CA8: variants seen among roughly 807,000 people sequenced by gnomAD.
CA8 encodes the protein carbonic anhydrase 8 (inactive).
In CA8, 22 loss-of-function variants were observed where a neutral mutation model predicts 41.4. That is an observed-to-expected ratio of 0.53 (90% CI 0.38 to 0.76). CA8 has a LOEUF of 0.76. Among genes scored for constraint, CA8 ranks in the 30% least tolerant of loss-of-function variants. The pLI is 0.00. For missense variants in CA8, 270 were observed against 352.8 expected, an observed-to-expected ratio of 0.77 and a Z score of 1.88; for synonymous variants, 121 against 130.6, an observed-to-expected ratio of 0.93 and a Z score of 0.50.
At chr8:60,193,142 G>T (rs1806184231) in intron 8 of CA8, among the ~76,000 whole-genome samples, 1 of 152,058 alleles carries the variant, frequency 6.6e-6, no homozygotes, top group Non-Finnish European at 1.5e-5. Context: ...ACAACATTTT[G>T]TTTTCTCTGG....
intron 5 of CA8, among the ~76,000 whole-genome samples, chr8:60,225,021 A>T (rs1172928287): frequency 1.3e-5 from 2 of 151,900 alleles, no homozygotes; most frequent in East Asian, 3.9e-4. Context: ...CAGGCTTGCA[A>T]CTTCCTGTCT....
chr8:60,264,352 A>G (rs959358300), intron 3 of CA8, among the ~76,000 whole-genome samples: 2 of 152,218 alleles, frequency 1.3e-5, no homozygotes, highest in African/African-American at 4.8e-5. Flanking sequence ...AAATGATGAA[A>G]TGGCCTTTCA....
At chr8:60,200,100 A>T (rs1020504716) in intron 8 of CA8, among the ~76,000 whole-genome samples, 3 of 152,168 alleles carry the variant, frequency 2.0e-5, no homozygotes, top group Non-Finnish European at 4.4e-5. Context: ...TACTGCCCTT[A>T]TAAAAGAGAC....
At chr8:60,233,157 G>A (rs576439681) in intron 3 of CA8, among the ~76,000 whole-genome samples, 48 of 152,276 alleles carry the variant, frequency 3.2e-4, no homozygotes, top group African/African-American at 1.1e-3. Context: ...TATAATAGTA[G>A]GTAGGTAAAC....
At position 60,270,959 on chromosome 8, in the gene CA8, C is replaced by T. The variant is rs141981293; in HGVS notation, c.293-4910G>A. Among the ~76,000 whole-genome samples, 25 of 152,198 alleles carry T rather than the reference C, an allele frequency of 1.6e-4. No homozygotes were observed. In the East Asian group the frequency reaches 4.8e-3, roughly 29 times the overall value. On this transcript the variant is annotated intron_variant, in intron 2 of 8. Coordinates refer to ENST00000317995, the MANE Select transcript of CA8 (RefSeq NM_004056.6). ...TCATAACAATAGCACAGAGAGCAGG[C>T]CGGGCAAAGTGAAGCACATGCAAAA...
intron 8 of CA8, among the ~76,000 whole-genome samples, chr8:60,199,959 T>C (rs1299055577): frequency 6.6e-6 from 1 of 152,222 alleles, no homozygotes; most frequent in Non-Finnish European, 1.5e-5. Context: ...TGTCAGTGTT[T>C]ACCTTTCTGT....
At chr8:60,253,564 A>C (rs148979692) in intron 3 of CA8, among the ~76,000 whole-genome samples, 8 of 151,976 alleles carry the variant, frequency 5.3e-5, no homozygotes, top group African/African-American at 1.9e-4. Flanking sequence ...CCACTCGCTG[A>C]CATCATCTAC....
At chr8:60,249,884 A>G (rs1420599473) in intron 3 of CA8, among the ~76,000 whole-genome samples, 2 of 152,232 alleles carry the variant, frequency 1.3e-5, no homozygotes, top group African/African-American at 4.8e-5. Context: ...GAGTAGCTTA[A>G]TAAGTTTCAA....
chr8:60,278,817 T>C (rs890854989), intron 2 of CA8, among the ~76,000 whole-genome samples: 1 of 152,240 alleles, frequency 6.6e-6, no homozygotes, highest in African/African-American at 2.4e-5. Flanking sequence ...AAAGATTTTA[T>C]AGTTTGAGGT....
chr8:60,213,308 C>T (rs55931051), intron 7 of CA8, among the ~76,000 whole-genome samples: 2,408 of 152,314 alleles, frequency 0.016, 74 homozygotes, highest in African/African-American at 0.055. Context: ...TGGCCGTTGT[C>T]GGCCCTCATC....
intron 3 of CA8, among the ~76,000 whole-genome samples, chr8:60,249,946 C>T (rs529111610): frequency 1.3e-5 from 2 of 152,216 alleles, no homozygotes; most frequent in Admixed American, 6.5e-5. Flanking sequence ...ACTATTTTAG[C>T]GACAATCATA....
intron 7 of CA8, among the ~76,000 whole-genome samples, chr8:60,216,076 T>C (rs573306365): frequency 3.9e-5 from 6 of 152,338 alleles, no homozygotes; most frequent in East Asian, 1.9e-4. Context: ...ATTGTTCCTT[T>C]TGCTATGTTA....
At chr8:60,235,122 A>C (rs762136620) in intron 3 of CA8, among the ~76,000 whole-genome samples, 12 of 152,260 alleles carry the variant, frequency 7.9e-5, no homozygotes, top group Middle Eastern at 3.4e-3. Flanking sequence ...TGTCATCACA[A>C]AGTGGCACTG....
At chr8:60,264,910 C>A (rs1803851837) in intron 3 of CA8, 1 of 152,096 alleles carries the variant, frequency 6.6e-6, no homozygotes, top group African/African-American at 2.4e-5. Context: ...CCATGATTTC[C>A]AGCCACTGAA....
At chr8:60,243,609 G>T (rs1011431779) in intron 3 of CA8, among the ~76,000 whole-genome samples, 1 of 151,828 alleles carries the variant, frequency 6.6e-6, no homozygotes, top group Admixed American at 6.6e-5. Context: ...CACCGTCTAC[G>T]GCCATACCAC....
intron 3 of CA8, among the ~76,000 whole-genome samples, chr8:60,235,555 T>C (rs1036385440): frequency 5.3e-5 from 8 of 152,340 alleles, no homozygotes; most frequent in Middle Eastern, 3.4e-3. Flanking sequence ...ATTATTCACA[T>C]TGACATCTGT....
At chr8:60,246,339 C>A (rs1393133453) in intron 3 of CA8, among the ~76,000 whole-genome samples, 1 of 152,142 alleles carries the variant, frequency 6.6e-6, no homozygotes, top group African/African-American at 2.4e-5. Context: ...GTTGCTCAGG[C>A]CAGAATGCAG....
chr8:60,272,389 C>CAAA (rs34254518), intron 2 of CA8, among the ~76,000 whole-genome samples: 2 of 143,914 alleles, frequency 1.4e-5, no homozygotes, highest in African/African-American at 5.1e-5. Flanking sequence ...CTTTATCCTA[C>CAAA]AAAAAAAAAA....
intron 3 of CA8, among the ~76,000 whole-genome samples, chr8:60,237,202 T>C (rs903543753): frequency 6.6e-6 from 1 of 152,254 alleles, no homozygotes; most frequent in African/African-American, 2.4e-5. Flanking sequence ...TGAACTTCAC[T>C]AGTCACTAAC....
Sources: allele counts gnomAD v4.1 joint callset (sites outside exome capture counted in the v4.1 genomes callset), GRCh38; gene constraint gnomAD v4.1.1; transcripts MANE v1.5; gene names NCBI Gene and HGNC (gene_info 2026-07-23, HGNC 2026-07-21).